KLHL32: variants seen among roughly 807,000 people sequenced by gnomAD.
The protein encoded by KLHL32 is kelch-like protein 32.
A neutral mutation model predicts 64.8 loss-of-function variants in KLHL32; 35 were observed. That is an observed-to-expected ratio of 0.54 (90% confidence interval 0.41 to 0.72). KLHL32 has a LOEUF of 0.72. KLHL32 is among the 30% of genes least tolerant of loss of function. KLHL32 has a pLI of 0.00. For missense variants in KLHL32, 589 were observed against 768.5 expected (o/e 0.77, Z 2.76); for synonymous variants, 259 against 281.0 (o/e 0.92, Z 0.78).
At chr6:97,087,638 G>T (rs1485109335) in intron 6 of KLHL32, among the ~76,000 whole-genome samples, 4 of 152,178 alleles carry the variant, frequency 2.6e-5, no homozygotes, top group Non-Finnish European at 5.9e-5. Flanking sequence ...ATGGAGGGGG[G>T]CGTGCTATTT....
chr6:97,106,353 A>G (rs1796406117), intron 6 of KLHL32, among the ~76,000 whole-genome samples: 1 of 152,166 alleles, frequency 6.6e-6, no homozygotes, highest in African/African-American at 2.4e-5. Context: ...AGCAATCAGT[A>G]GGGATATGCT....
the KLHL32 span, among the ~76,000 whole-genome samples, chr6:96,907,558 C>T: frequency 5.3e-5 from 8 of 152,148 alleles, no homozygotes; most frequent in Non-Finnish European, 1.2e-4. Context: ...ACTCTATGTA[C>T]AGGAAGCTCT....
intron 7 of KLHL32, among the ~76,000 whole-genome samples, chr6:97,126,520 C>G (rs765004514): frequency 3.3e-5 from 5 of 151,950 alleles, no homozygotes; most frequent in Non-Finnish European, 5.9e-5. Context: ...AGGTGGGTCT[C>G]AGGTCTCTTA....
At chr6:97,106,464 C>T (rs1488961475) in intron 6 of KLHL32, among the ~76,000 whole-genome samples, 4 of 151,904 alleles carry the variant, frequency 2.6e-5, no homozygotes, top group South Asian at 2.1e-4. Flanking sequence ...AAAAATAGAC[C>T]GGGTGCAGTG....
intron 5 of KLHL32, among the ~76,000 whole-genome samples, chr6:97,073,182 G>T (rs557199134): frequency 6.6e-6 from 1 of 152,118 alleles, no homozygotes; most frequent in Non-Finnish European, 1.5e-5. Flanking sequence ...GGAAATGTCA[G>T]CAAATTTTCT....
intron 4 of KLHL32, among the ~76,000 whole-genome samples, chr6:97,050,606 G>A (rs549376546): frequency 6.6e-6 from 1 of 152,194 alleles, no homozygotes; most frequent in South Asian, 2.1e-4. Context: ...CAAAAATAGG[G>A]GCAGACTCTA....
intron 3 of KLHL32, among the ~76,000 whole-genome samples, chr6:96,988,752 C>T (rs1365509761): frequency 1.3e-5 from 2 of 152,202 alleles, no homozygotes; most frequent in Non-Finnish European, 2.9e-5. Flanking sequence ...GGCACATATA[C>T]ACCATGGAAT....
At chr6:97,025,129 A>T (rs1375468285) in intron 3 of KLHL32, 1 of 983,894 alleles carries the variant, frequency 1.0e-6, no homozygotes, top group African/African-American at 1.7e-5. Flanking sequence ...AAGACATCTG[A>T]TCCTGTGAGC....
intron 3 of KLHL32, among the ~76,000 whole-genome samples, chr6:97,029,361 A>G (rs1275550063): frequency 6.6e-6 from 1 of 152,240 alleles, no homozygotes; most frequent in Admixed American, 6.5e-5. Context: ...ATTTTAGAAA[A>G]AAAACAATAT....
At chr6:97,068,823 A>G (rs1032451240) in intron 5 of KLHL32, among the ~76,000 whole-genome samples, 1 of 152,240 alleles carries the variant, frequency 6.6e-6, no homozygotes, top group Admixed American at 6.5e-5. Flanking sequence ...GGCATGTCCA[A>G]TGATGATATT....
intron 4 of KLHL32, among the ~76,000 whole-genome samples, chr6:97,050,536 T>G (rs76753491): frequency 0.029 from 4,383 of 152,060 alleles, 187 homozygotes; most frequent in African/African-American, 0.098. Context: ...TTTGCTCAGA[T>G]GTAAGGCAAG....
At chr6:96,952,518 A>G (rs968204768) in intron 1 of KLHL32, among the ~76,000 whole-genome samples, 1 of 152,168 alleles carries the variant, frequency 6.6e-6, no homozygotes, top group Non-Finnish European at 1.5e-5. Context: ...CCAGCTAACC[A>G]TGGGAGGAAT....
chr6:97,119,089 C>T (rs541947273), intron 7 of KLHL32, among the ~76,000 whole-genome samples: 1 of 152,296 alleles, frequency 6.6e-6, no homozygotes, highest in Admixed American at 6.5e-5. Flanking sequence ...ATTATCTTGT[C>T]CTCTGGGAAA....
At chr6:97,098,013 T>C (rs778659061) in intron 6 of KLHL32, among the ~76,000 whole-genome samples, 1 of 152,104 alleles carries the variant, frequency 6.6e-6, no homozygotes. Context: ...TTGGCAAACA[T>C]AGGGGAGGGG....
intron 6 of KLHL32, among the ~76,000 whole-genome samples, chr6:97,090,616 A>G (rs1794085711): frequency 6.6e-6 from 1 of 152,236 alleles, no homozygotes; most frequent in Non-Finnish European, 1.5e-5. Flanking sequence ...ATTGACCCAA[A>G]TGTACCTCTG....
chr6:97,017,740 T>A (rs1279341030), intron 3 of KLHL32, among the ~76,000 whole-genome samples: 2 of 152,122 alleles, frequency 1.3e-5, no homozygotes, highest in Non-Finnish European at 2.9e-5. Flanking sequence ...TGTATCTAGG[T>A]GGGGCCATAT....
At chr6:97,119,991 G>A (rs997037882) in intron 7 of KLHL32, among the ~76,000 whole-genome samples, 9 of 152,234 alleles carry the variant, frequency 5.9e-5, no homozygotes, top group Admixed American at 5.9e-4. Flanking sequence ...GTTTGTTTAA[G>A]GATGCAAGTG....
chr6:97,078,828 A>T (rs974044261), intron 5 of KLHL32, among the ~76,000 whole-genome samples: 1 of 152,240 alleles, frequency 6.6e-6, no homozygotes, highest in African/African-American at 2.4e-5. Flanking sequence ...AACAGATATC[A>T]TATAATTATG....
chr6:97,062,019 G>A (rs1006073398), intron 4 of KLHL32, among the ~76,000 whole-genome samples: 1 of 152,108 alleles, frequency 6.6e-6, no homozygotes, highest in Admixed American at 6.5e-5. Context: ...GATTTTCTGT[G>A]CTAAAGCATA....
Sources: gnomAD v4.1 joint callset for allele counts (sites outside exome capture counted in the v4.1 genomes callset) on GRCh38, gnomAD v4.1.1 for gene constraint, MANE v1.5 for transcripts, NCBI Gene and HGNC (gene_info 2026-07-23, HGNC 2026-07-21) for gene names.